CDH13: variants seen among roughly 807,000 people sequenced by gnomAD.
CDH13 encodes cadherin 13, also known as cadherin-13.
CDH13 carries 24 observed loss-of-function variants against 63.8 expected under a neutral mutation model. That is an observed-to-expected ratio of 0.38 (90% confidence interval 0.27 to 0.53). CDH13 has a LOEUF of 0.53. Ranked by LOEUF, CDH13 falls within the 20% of genes least tolerant of loss-of-function variation. The pLI is 0.85. For missense variants in CDH13, 1,049 were observed against 903.1 expected, an observed-to-expected ratio of 1.16 and a Z score of -2.07; for synonymous variants, 503 against 355.3, an observed-to-expected ratio of 1.42 and a Z score of -4.67.
intron 6 of CDH13, among the ~76,000 whole-genome samples, chr16:83,466,497 C>T (rs1207256786): frequency 1.3e-5 from 2 of 152,182 alleles, no homozygotes; most frequent in Non-Finnish European, 2.9e-5. Flanking sequence ...TGGCAGTGGG[C>T]TGGGGAGGAA....
intron 3 of CDH13, among the ~76,000 whole-genome samples, chr16:83,080,757 C>G (rs933462198): frequency 1.3e-5 from 2 of 150,106 alleles, no homozygotes; most frequent in Non-Finnish European, 2.9e-5. Flanking sequence ...TTCTAACCCA[C>G]AAGGAAGATT....
intron 6 of CDH13, among the ~76,000 whole-genome samples, chr16:83,417,722 A>G (rs1035684755): frequency 6.6e-6 from 1 of 152,236 alleles, no homozygotes; most frequent in Admixed American, 6.5e-5. Flanking sequence ...GACAGGCTGT[A>G]GAGATAGAAT....
intron 4 of CDH13, among the ~76,000 whole-genome samples, chr16:83,169,661 G>T (rs1355909518): frequency 2.0e-5 from 3 of 151,776 alleles, no homozygotes; most frequent in African/African-American, 4.8e-5. Flanking sequence ...GATTCATAAA[G>T]GCCCACTACT....
At chr16:83,549,954 G>A (rs2075460453) in intron 7 of CDH13, among the ~76,000 whole-genome samples, 1 of 152,146 alleles carries the variant, frequency 6.6e-6, no homozygotes, top group South Asian at 2.1e-4. Context: ...TCGTCTTGCT[G>A]GTACAATCTG....
intron 5 of CDH13, among the ~76,000 whole-genome samples, chr16:83,231,236 G>C (rs1054217753): frequency 4.6e-5 from 7 of 152,196 alleles, no homozygotes; most frequent in African/African-American, 1.7e-4. Flanking sequence ...TAACTGTGTA[G>C]GTTGGATCAT....
At chr16:82,947,288 G>A (rs1045764780) in intron 2 of CDH13, among the ~76,000 whole-genome samples, 4 of 151,980 alleles carry the variant, frequency 2.6e-5, no homozygotes, top group African/African-American at 7.3e-5. Context: ...TGTTTATTCT[G>A]TCTATCTACT....
intron 3 of CDH13, among the ~76,000 whole-genome samples, chr16:83,069,472 CT>C (rs1325626812): frequency 3.9e-5 from 6 of 152,200 alleles, no homozygotes; most frequent in East Asian, 1.9e-4. Flanking sequence ...ACAGCCCCCC[CT>C]AAGGTAGAAA....
At chr16:83,743,867 T>C (rs1912314232) in intron 10 of CDH13, among the ~76,000 whole-genome samples, 2 of 147,552 alleles carry the variant, frequency 1.4e-5, no homozygotes, top group African/African-American at 2.5e-5. Flanking sequence ...TACTCGGCCC[T>C]GGGGGTGCAG....
intron 3 of CDH13, among the ~76,000 whole-genome samples, chr16:83,116,024 A>C (rs1348618041): frequency 6.6e-6 from 1 of 152,132 alleles, no homozygotes; most frequent in Non-Finnish European, 1.5e-5. Context: ...ATTCCTCTCA[A>C]ATCTCACCAC....
Position 83,347,518 on chromosome 16 carries a change from C to G in CDH13, c.781+2512C>G, listed in dbSNP as rs1346709674. 1.3e-5 allele frequency among the ~76,000 whole-genome samples: 2 copies of G among 152,316 alleles called. 1 individual carries two copies. The highest frequency in any genetic ancestry group is 1.3e-4 in the Admixed American group (2 of 15,302). ...CTGAATTCATGGTGAACACAGCCAT[C>G]AGGTATCATAGCACTGCGTCGAGTA... On this transcript the variant is annotated intron_variant, in intron 6 of 13. Transcript: ENST00000567109.
chr16:82,631,856 C>A (rs1567572602), intron 1 of CDH13, among the ~76,000 whole-genome samples: 2 of 152,086 alleles, frequency 1.3e-5, no homozygotes, highest in Non-Finnish European at 2.9e-5. Flanking sequence ...GAATGTGTCA[C>A]CCTCTGGCTT....
intron 4 of CDH13, chr16:83,171,701 C>G (rs1597460705): frequency 1.4e-6 from 1 of 720,048 alleles, no homozygotes; most frequent in East Asian, 2.7e-5. Context: ...CACGCCTCTC[C>G]CATTTCCCCA....
At chr16:82,830,409 T>A (rs2038482090) in intron 1 of CDH13, among the ~76,000 whole-genome samples, 1 of 152,206 alleles carries the variant, frequency 6.6e-6, no homozygotes, top group Non-Finnish European at 1.5e-5. Flanking sequence ...ATGGTCCCCA[T>A]GGGCAGTGAA....
chr16:83,074,614 C>G (rs1378187185), intron 3 of CDH13, among the ~76,000 whole-genome samples: 1 of 152,182 alleles, frequency 6.6e-6, no homozygotes, highest in East Asian at 1.9e-4. Context: ...TACTTTTACA[C>G]CAACAGTGTA....
At chr16:82,981,172 C>T (rs999264318) in intron 2 of CDH13, among the ~76,000 whole-genome samples, 1 of 152,158 alleles carries the variant, frequency 6.6e-6, no homozygotes, top group Non-Finnish European at 1.5e-5. Flanking sequence ...AAAAATTATT[C>T]AAAAGGAGGG....
At chr16:83,677,681 T>C (rs1242036230) in intron 9 of CDH13, among the ~76,000 whole-genome samples, 6 of 152,186 alleles carry the variant, frequency 3.9e-5, no homozygotes, top group Admixed American at 2.6e-4. Flanking sequence ...AACTTTGGTT[T>C]TCCTGTTCCA....
intron 3 of CDH13, among the ~76,000 whole-genome samples, chr16:83,116,840 C>G (rs1252320783): frequency 6.6e-6 from 1 of 152,162 alleles, no homozygotes; most frequent in African/African-American, 2.4e-5. Context: ...GAAATTGACT[C>G]CAACTCTCCC....
chr16:83,327,429 C>A (rs774436382), intron 5 of CDH13, among the ~76,000 whole-genome samples: 1 of 152,164 alleles, frequency 6.6e-6, no homozygotes. Flanking sequence ...GTCTATTGAT[C>A]TGTCCTCCAG....
At chr16:83,337,145 T>A (rs2090616181) in intron 5 of CDH13, among the ~76,000 whole-genome samples, 1 of 152,198 alleles carries the variant, frequency 6.6e-6, no homozygotes, top group African/African-American at 2.4e-5. Flanking sequence ...CAATTCCTAT[T>A]AGTGTGGTGA....
Sources: allele counts gnomAD v4.1 joint callset (sites outside exome capture counted in the v4.1 genomes callset), GRCh38; gene constraint gnomAD v4.1.1; transcripts MANE v1.5; gene names NCBI Gene and HGNC (gene_info 2026-07-23, HGNC 2026-07-21).